BCHE: variants seen among roughly 807,000 people sequenced by gnomAD.
The protein encoded by BCHE is cholinesterase.
BCHE carries 48 observed loss-of-function variants against 51.3 expected under a neutral mutation model. That is an observed-to-expected ratio of 0.94 (90% CI 0.74 to 1.19). The LOEUF (loss-of-function observed/expected upper bound fraction) is 1.19, where lower values mean the gene tolerates loss of function less well. Ranked by LOEUF, BCHE falls within the 50% of genes most tolerant of loss-of-function variation. BCHE has a pLI of 0.00. For missense variants in BCHE, 847 were observed against 708.2 expected (o/e 1.20, Z -2.23); for synonymous variants, 251 against 238.0 (o/e 1.05, Z -0.50).
intron 1 of BCHE, among the ~76,000 whole-genome samples, chr3:165,836,271 C>A (rs543462821): frequency 1.3e-5 from 2 of 151,850 alleles, no homozygotes; most frequent in Non-Finnish European, 2.9e-5. Context: ...ATGTTAAAGT[C>A]ACACTTTAAA....
intron 2 of BCHE, among the ~76,000 whole-genome samples, chr3:165,796,277 C>T (rs949879900): frequency 1.3e-5 from 2 of 152,118 alleles, no homozygotes; most frequent in African/African-American, 4.8e-5. Context: ...AGCTTGACAT[C>T]TGTTATCAAA....
intron 2 of BCHE, among the ~76,000 whole-genome samples, chr3:165,813,857 G>A (rs889631911): frequency 2.6e-5 from 4 of 151,848 alleles, no homozygotes; most frequent in Non-Finnish European, 5.9e-5. Flanking sequence ...AACCAGTTCA[G>A]CTATCACCTA....
intron 2 of BCHE, among the ~76,000 whole-genome samples, chr3:165,816,632 T>G (rs1465948566): frequency 6.6e-6 from 1 of 152,004 alleles, no homozygotes; most frequent in African/African-American, 2.4e-5. Flanking sequence ...AAACCCACAA[T>G]CATACACAAT....
chr3:165,815,475 G>T (rs1031988789), intron 2 of BCHE, among the ~76,000 whole-genome samples: 1 of 152,050 alleles, frequency 6.6e-6, no homozygotes, highest in African/African-American at 2.4e-5. Flanking sequence ...CACCTGTTGA[G>T]GATGATGATA....
intron 2 of BCHE, among the ~76,000 whole-genome samples, chr3:165,809,666 T>C (rs1714017580): frequency 6.6e-6 from 1 of 152,096 alleles, no homozygotes; most frequent in Non-Finnish European, 1.5e-5. Context: ...GAGGTATATT[T>C]TACTCTAATA....
intron 3 of BCHE, among the ~76,000 whole-genome samples, chr3:165,773,714 G>A (rs1406600426): frequency 6.6e-6 from 1 of 151,836 alleles, no homozygotes; most frequent in Non-Finnish European, 1.5e-5. Context: ...TGCAAATAAT[G>A]TATATATAAT....
intron 2 of BCHE, among the ~76,000 whole-genome samples, chr3:165,822,305 A>T (rs956071090): frequency 1.3e-5 from 2 of 152,022 alleles, no homozygotes; most frequent in African/African-American, 4.8e-5. Context: ...TTAGTTGATT[A>T]ATTAAGTAGT....
chr3:165,825,292 A>G (rs1228845326), intron 2 of BCHE, among the ~76,000 whole-genome samples: 4 of 152,092 alleles, frequency 2.6e-5, no homozygotes, highest in Non-Finnish European at 4.4e-5. Context: ...TATATGGGAA[A>G]TAATGAACCT....
At chr3:165,816,590 C>T (rs866154789) in intron 2 of BCHE, among the ~76,000 whole-genome samples, 22 of 152,006 alleles carry the variant, frequency 1.4e-4, no homozygotes, top group African/African-American at 5.1e-4. Context: ...ATCAAAACAC[C>T]ACATCTTTGC....
At chr3:165,784,922 T>G (rs1712885902) in intron 3 of BCHE, among the ~76,000 whole-genome samples, 1 of 151,730 alleles carries the variant, frequency 6.6e-6, no homozygotes, top group Non-Finnish European at 1.5e-5. Flanking sequence ...AGTTACCTCA[T>G]CGTTATTTAC....
chr3:165,800,803 G>A (rs1400398868), intron 2 of BCHE, among the ~76,000 whole-genome samples: 2 of 152,000 alleles, frequency 1.3e-5, no homozygotes, highest in Non-Finnish European at 2.9e-5. Context: ...CCAGGAATGT[G>A]GGCAATGGAT....
At chr3:165,815,300 C>T (rs929343782) in intron 2 of BCHE, among the ~76,000 whole-genome samples, 6 of 151,120 alleles carry the variant, frequency 4.0e-5, no homozygotes, top group African/African-American at 7.3e-5. Flanking sequence ...TCTTTTCCTT[C>T]CCTAGTGGTA....
chr3:165,787,451 A>G (rs1048452704), intron 2 of BCHE, among the ~76,000 whole-genome samples: 2 of 151,864 alleles, frequency 1.3e-5, no homozygotes, highest in Non-Finnish European at 2.9e-5. Context: ...ACTACAACAT[A>G]AGATAGCATA....
intron 2 of BCHE, among the ~76,000 whole-genome samples, chr3:165,827,345 C>A (rs560694021): frequency 1.3e-5 from 2 of 151,802 alleles, no homozygotes; most frequent in Non-Finnish European, 2.9e-5. Flanking sequence ...CTCTTTATAG[C>A]TTATGATCTC....
At chr3:165,819,357 C>A (rs1399891989) in intron 2 of BCHE, among the ~76,000 whole-genome samples, 4 of 151,938 alleles carry the variant, frequency 2.6e-5, no homozygotes, top group African/African-American at 9.7e-5. Flanking sequence ...GGATTACAGG[C>A]ATGAGCCACC....
At chr3:165,779,423 C>A (rs1029942260) in intron 3 of BCHE, among the ~76,000 whole-genome samples, 1 of 151,914 alleles carries the variant, frequency 6.6e-6, no homozygotes, top group South Asian at 2.1e-4. Context: ...CTGGCCAGGG[C>A]AATCAGACAA....
At chr3:165,824,780 G>A (rs1560020558) in intron 2 of BCHE, among the ~76,000 whole-genome samples, 1 of 151,682 alleles carries the variant, frequency 6.6e-6, no homozygotes, top group Non-Finnish European at 1.5e-5. Context: ...GATAAATTTA[G>A]TTAAATATAT....
intron 2 of BCHE, among the ~76,000 whole-genome samples, chr3:165,795,117 A>G (rs1713318500): frequency 6.6e-6 from 1 of 152,238 alleles, no homozygotes; most frequent in African/African-American, 2.4e-5. Flanking sequence ...TTATTAAAAA[A>G]GAAACTCACA....
intron 2 of BCHE, among the ~76,000 whole-genome samples, chr3:165,823,288 A>T (rs1239558884): frequency 1.3e-5 from 2 of 152,148 alleles, no homozygotes. Context: ...AAGTAACTGA[A>T]AAATGAGTTT....
Sources: gnomAD v4.1 joint callset for allele counts (sites outside exome capture counted in the v4.1 genomes callset) on GRCh38, gnomAD v4.1.1 for gene constraint, MANE v1.5 for transcripts, NCBI Gene and HGNC (gene_info 2026-07-23, HGNC 2026-07-21) for gene names.